The following WIF1 variants were observed in gnomAD, a reference collection of about 807,000 sequenced individuals.
WIF1 encodes Wnt inhibitory factor 1.
WIF1 carries 35 observed loss-of-function variants against 53.5 expected under a neutral mutation model. The ratio of observed to expected loss-of-function variants is 0.65; its 90% CI spans 0.50 to 0.87. The LOEUF (loss-of-function observed/expected upper bound fraction) is 0.87. Ranked by LOEUF, WIF1 falls within the 40% of genes least tolerant of loss-of-function variation. WIF1 has a pLI of 0.00. For synonymous variants in WIF1, 171 were observed against 170.4 expected, an observed-to-expected ratio of 1.00 and a Z score of -0.03; for missense variants, 467 against 476.8, an observed-to-expected ratio of 0.98 and a Z score of 0.19.
At chr12:65,110,178 A>G (rs1213127977) in intron 2 of WIF1, among the ~76,000 whole-genome samples, 1 of 152,122 alleles carries the variant, frequency 6.6e-6, no homozygotes, top group South Asian at 2.1e-4. Context: ...GGGTTCAGTG[A>G]CTTTTCCACA....
chr12:65,114,669 GCT>G (rs1157801757), intron 2 of WIF1, among the ~76,000 whole-genome samples: 1 of 151,936 alleles, frequency 6.6e-6, no homozygotes, highest in Non-Finnish European at 1.5e-5. Context: ...CACTTGATAC[GCT>G]CTCTCTTGAG....
intron 6 of WIF1, among the ~76,000 whole-genome samples, chr12:65,064,260 A>C: frequency 6.6e-6 from 1 of 152,122 alleles, no homozygotes; most frequent in East Asian, 1.9e-4. Flanking sequence ...TTGGTTACAT[A>C]ATTTGGCCAC....
At chr12:65,056,474 C>T (rs1274876312) in intron 7 of WIF1, among the ~76,000 whole-genome samples, 1 of 137,066 alleles carries the variant, frequency 7.3e-6, no homozygotes, top group Non-Finnish European at 1.5e-5. Flanking sequence ...ATCCGCCCGC[C>T]TTGGCCTCTC....
intron 2 of WIF1, among the ~76,000 whole-genome samples, chr12:65,116,337 C>T (rs147968435): frequency 2.9e-4 from 44 of 152,224 alleles, no homozygotes; most frequent in African/African-American, 1.0e-3. Flanking sequence ...TCTGTTAGAT[C>T]AGCAGCGGCA....
chr12:65,059,329 T>C (rs1437980698), intron 7 of WIF1, among the ~76,000 whole-genome samples: 1 of 152,218 alleles, frequency 6.6e-6, no homozygotes, highest in Non-Finnish European at 1.5e-5. Flanking sequence ...TTTAGGATTA[T>C]AGGTGATTTT....
chr12:65,070,615 T>C (rs1882758388), intron 3 of WIF1, among the ~76,000 whole-genome samples: 1 of 152,198 alleles, frequency 6.6e-6, no homozygotes, highest in Admixed American at 6.6e-5. Flanking sequence ...CTTGAACGGA[T>C]ACTTAAAGAT....
chr12:65,108,805 T>C (rs1358295806), intron 2 of WIF1, among the ~76,000 whole-genome samples: 2 of 152,202 alleles, frequency 1.3e-5, no homozygotes, highest in African/African-American at 2.4e-5. Context: ...TACCAGTCAA[T>C]AGGCTTACAT....
chr12:65,090,287 C>T (rs1883103547), intron 2 of WIF1, among the ~76,000 whole-genome samples: 1 of 152,116 alleles, frequency 6.6e-6, no homozygotes, highest in Non-Finnish European at 1.5e-5. Context: ...ACCTGCTTGG[C>T]TTGAATTCTA....
intron 7 of WIF1, 83 bp from the exon 8 acceptor site, chr12:65,056,209 C>G: frequency 7.6e-7 from 1 of 1,309,332 alleles, no homozygotes; most frequent in Non-Finnish European, 1.1e-6. Context: ...AATTACAAGG[C>G]TTTGAGAGGA....
At chr12:65,104,197 G>C (rs916999069) in intron 2 of WIF1, among the ~76,000 whole-genome samples, 2 of 152,072 alleles carry the variant, frequency 1.3e-5, no homozygotes, top group Admixed American at 6.6e-5. Flanking sequence ...TTATTATTAG[G>C]TTAAATCACA....
rs894500009 is a variant in WIF1, at chr12:65,051,008, A to G, written c.*341T>C. On this transcript the variant is annotated 3_prime_UTR_variant, in exon 10 of 10. Transcript: ENST00000286574. ...CTTGTGACTTACGCATTTTTGCCCA[A>G]TTTAACCTTTCTGATGTTCCCCTGC... is the stretch of plus-strand genomic sequence containing the variant. 8.6e-5 allele frequency: 21 copies of G among 244,238 alleles called. No individual in the cohort carries two copies. Among genetic ancestry groups the G allele is most frequent in the Non-Finnish European group, 1.2e-4 (15 of 125,720 alleles). 15.1% of individuals were successfully genotyped at this position (244,238 alleles called of 1,614,324 possible). A position where few individuals can be genotyped will look rare whatever the true frequency, so the allele number is the denominator to read the frequency against.
chr12:65,104,393 A>G (rs1320211782), intron 2 of WIF1, among the ~76,000 whole-genome samples: 1 of 152,220 alleles, frequency 6.6e-6, no homozygotes, highest in Non-Finnish European at 1.5e-5. Context: ...CAGAATGTCT[A>G]AATAATAAAG....
At chr12:65,077,349 G>A (rs1882878661) in intron 3 of WIF1, among the ~76,000 whole-genome samples, 1 of 127,470 alleles carries the variant, frequency 7.8e-6, no homozygotes, top group Admixed American at 8.7e-5. Flanking sequence ...CTAACTTTTG[G>A]GGAATTTTCT....
intron 2 of WIF1, among the ~76,000 whole-genome samples, chr12:65,115,084 C>G (rs561740898): frequency 1.3e-5 from 2 of 151,326 alleles, no homozygotes; most frequent in African/African-American, 4.9e-5. Flanking sequence ...CACCCCAACC[C>G]TTGCCATCTA....
chr12:65,061,378 A>G (rs552763724), intron 7 of WIF1, among the ~76,000 whole-genome samples: 4 of 152,326 alleles, frequency 2.6e-5, no homozygotes, highest in Middle Eastern at 3.4e-3. Context: ...ATACAGCTGG[A>G]AATGAAACAC....
chr12:65,118,274 C>G (rs1024181079), intron 2 of WIF1, among the ~76,000 whole-genome samples: 2 of 152,142 alleles, frequency 1.3e-5, no homozygotes, highest in Non-Finnish European at 2.9e-5. Flanking sequence ...GCCATAGATA[C>G]CTTTCAAAAT....
chr12:65,110,604 GT>G (rs1305057361), intron 2 of WIF1, among the ~76,000 whole-genome samples: 1 of 152,150 alleles, frequency 6.6e-6, no homozygotes, highest in Admixed American at 6.5e-5. Flanking sequence ...ACACTTACTA[GT>G]TGTGTGACCC....
intron 7 of WIF1, among the ~76,000 whole-genome samples, chr12:65,061,414 A>G (rs1270519881): frequency 6.6e-6 from 1 of 152,230 alleles, no homozygotes; most frequent in African/African-American, 2.4e-5. Context: ...CAACAAACAT[A>G]TCAAGAAAGG....
intron 2 of WIF1, among the ~76,000 whole-genome samples, chr12:65,097,461 A>G (rs1190971001): frequency 6.6e-6 from 1 of 152,158 alleles, no homozygotes. Context: ...TCACCCCCAA[A>G]GCAGAAACCT....
Sources: gnomAD v4.1 joint callset for allele counts (sites outside exome capture counted in the v4.1 genomes callset) on GRCh38, gnomAD v4.1.1 for gene constraint, MANE v1.5 for transcripts, NCBI Gene and HGNC (gene_info 2026-07-23, HGNC 2026-07-21) for gene names.